The following GLIS1 variants were observed in gnomAD, a reference collection of about 807,000 sequenced individuals.
GLIS1 encodes the protein zinc finger protein GLIS1.
A neutral mutation model predicts 63.8 loss-of-function variants in GLIS1; 24 were observed. The ratio of observed to expected loss-of-function variants is 0.38; its 90% CI spans 0.27 to 0.53. GLIS1 has a LOEUF of 0.53. Ranked by LOEUF, GLIS1 falls within the 20% of genes least tolerant of loss-of-function variation. GLIS1 has a pLI of 0.85. For missense variants in GLIS1, 1,036 were observed against 1,074.1 expected, an observed-to-expected ratio of 0.96 and a Z score of 0.50; for synonymous variants, 450 against 482.5, an observed-to-expected ratio of 0.93 and a Z score of 0.88.
intron 2 of GLIS1, among the ~76,000 whole-genome samples, chr1:53,716,568 C>T (rs1646700601): frequency 6.6e-6 from 1 of 152,078 alleles, no homozygotes; most frequent in South Asian, 2.1e-4. Context: ...CTAAAAATCT[C>T]CTCAGAGAGG....
At chr1:53,540,951 T>C (rs1194722088) in intron 4 of GLIS1, among the ~76,000 whole-genome samples, 2 of 152,212 alleles carry the variant, frequency 1.3e-5, no homozygotes, top group African/African-American at 4.8e-5. Context: ...AACCTGCCAG[T>C]GTGCACCTGA....
In GLIS1 at chr1:53,524,883, G is replaced by A. The variant is rs1480029986; in HGVS notation, c.1487C>T (p.Pro496Leu). The A allele has an allele frequency of 1.9e-6, 3 of 1,612,256 alleles. No homozygotes were observed. Among genetic ancestry groups the A allele is most frequent in the African/African-American group, 1.3e-5 (1 of 75,036 alleles). Residue 496 changes from proline (P) to leucine (L), a missense_variant, in exon 6 of 11, where the codon CCG becomes CTG. By Grantham distance (98) the Pro-to-Leu change is moderately conservative. Coordinates refer to ENST00000628545, the MANE Select transcript of GLIS1 (RefSeq NM_001367484.1). ...GCAGCCAGGGATCTGACAGGCGTAC[G>A]GCTTCTGTAACATGGGGGGCACGGG... is the stretch of plus-strand genomic sequence containing the variant. ...KHQRTHLDTK[P>L]YACQIPGCSK...
chr1:53,691,232 G>A (rs1052795483), intron 2 of GLIS1, among the ~76,000 whole-genome samples: 10 of 152,070 alleles, frequency 6.6e-5, no homozygotes, highest in East Asian at 1.9e-4. Flanking sequence ...GCGCACTCCC[G>A]CTGTGTCCCT....
chr1:53,600,865 T>C (rs12026293), intron 2 of GLIS1, among the ~76,000 whole-genome samples: 122,089 of 152,258 alleles, frequency 0.8, 53,847 homozygotes, highest in Non-Finnish European at 0.99. Flanking sequence ...ACCTCGCTAT[T>C]GCCTGATTCT....
At position 53,520,724 on chromosome 1, in the gene GLIS1, A is replaced by G. The variant is rs1351811850; in HGVS notation, c.1636T>C (p.Cys546Arg). 46 of 1,606,768 alleles carry G rather than the reference A, an allele frequency of 2.9e-5. No homozygotes were observed. The highest frequency in any genetic ancestry group is 3.7e-5 in the Non-Finnish European group (44 of 1,177,338). ...PDTEADVLTE[C>R]LVLQQLHTST... ...GTGTGGAGCTGCTGCAGGACCAGACACTCGGTCAGGACGTCGGCCTCGGTG... is the reference window on the plus strand; with the variant it reads ...GTGTGGAGCTGCTGCAGGACCAGACGCTCGGTCAGGACGTCGGCCTCGGTG... Residue 546 changes from cysteine (C) to arginine (R), a missense_variant, in exon 7 of 11, where the codon TGT becomes CGT. This residue lies in a region of GLIS1 where 400 missense variants were observed against 400.9 expected (regional missense o/e 1.00). Transcript: ENST00000628545.
chr1:53,532,943 G>A (rs1000669814), intron 4 of GLIS1, among the ~76,000 whole-genome samples: 3 of 152,220 alleles, frequency 2.0e-5, no homozygotes, highest in African/African-American at 7.2e-5. Flanking sequence ...TTCAAACACA[G>A]GATCTGCAGC....
At chr1:53,654,943 G>A (rs535617296) in intron 2 of GLIS1, among the ~76,000 whole-genome samples, 1 of 152,304 alleles carries the variant, frequency 6.6e-6, no homozygotes, top group South Asian at 2.1e-4. Flanking sequence ...GTTTGTTTTG[G>A]TTTGTAAAAT....
At chr1:53,633,740 A>G (rs1645695020) in intron 2 of GLIS1, among the ~76,000 whole-genome samples, 1 of 151,888 alleles carries the variant, frequency 6.6e-6, no homozygotes, top group East Asian at 1.9e-4. Context: ...GCATTGCAGG[A>G]TGGTTAGTAA....
chr1:53,671,101 C>G (rs1557513839), intron 2 of GLIS1, among the ~76,000 whole-genome samples: 1 of 152,112 alleles, frequency 6.6e-6, no homozygotes, highest in Non-Finnish European at 1.5e-5. Context: ...GAGCAGTGAG[C>G]AGAAGAAACT....
chr1:53,657,621 G>A (rs915920439), intron 2 of GLIS1, among the ~76,000 whole-genome samples: 5 of 152,146 alleles, frequency 3.3e-5, no homozygotes, highest in Non-Finnish European at 5.9e-5. Flanking sequence ...TATGTGGAGG[G>A]GGAGAGGACC....
chr1:53,624,541 C>CT (rs370540667), intron 2 of GLIS1, among the ~76,000 whole-genome samples: 3,279 of 145,094 alleles, frequency 0.023, 60 homozygotes, highest in African/African-American at 0.035. Context: ...TTTTAAATCT[C>CT]TTTTTTTTTT....
Position 53,511,851 on chromosome 1 carries a change from C to T in GLIS1, c.1884-1824G>A, listed in dbSNP as rs1241017373. 6.6e-6 allele frequency among the ~76,000 whole-genome samples: 1 copy of T among 152,174 alleles called. No homozygotes were observed. Among genetic ancestry groups the T allele is most frequent in the Non-Finnish European group, 1.5e-5 (1 of 68,038 alleles). On this transcript the variant is annotated intron_variant, in intron 8 of 10. Transcript: ENST00000628545. The surrounding 1 kb of genome is among the most constrained non-coding windows in gnomAD (Gnocchi z 4.2). ...GGTGGCTGCCTTATCCCCATCCCATCTGGGCACCCACAACCCAGCCCTCCC... is the reference window on the plus strand; with the variant it reads ...GGTGGCTGCCTTATCCCCATCCCATTTGGGCACCCACAACCCAGCCCTCCC...
intron 2 of GLIS1, among the ~76,000 whole-genome samples, chr1:53,708,855 C>A (rs1011501173): frequency 6.6e-6 from 1 of 152,170 alleles, no homozygotes; most frequent in Non-Finnish European, 1.5e-5. Flanking sequence ...ACCTGTCTCA[C>A]CTCCAACAAG....
At chr1:53,733,190 G>A (rs1646879971) in intron 2 of GLIS1, among the ~76,000 whole-genome samples, 1 of 152,264 alleles carries the variant, frequency 6.6e-6, no homozygotes, top group African/African-American at 2.4e-5. Context: ...TGCCTGTAAT[G>A]GGATTTTAAC....
intron 2 of GLIS1, among the ~76,000 whole-genome samples, chr1:53,694,712 G>T (rs774957942): frequency 6.6e-6 from 1 of 152,188 alleles, no homozygotes; most frequent in Non-Finnish European, 1.5e-5. Flanking sequence ...ACTGGGCTAC[G>T]TGGGGCACAC....
chr1:53,525,039 A>T, intron 5 of GLIS1, 152 bp from the exon 6 acceptor site: 1 of 629,066 alleles, frequency 1.6e-6, no homozygotes, highest in Non-Finnish European at 2.8e-6. Flanking sequence ...GCTGTGGGGA[A>T]GGTGCCTGGC....
At position 53,574,823 on chromosome 1, in the gene GLIS1, G is replaced by C. The variant is rs1454506602; in HGVS notation, c.1320+19285C>G. On this transcript the variant is annotated intron_variant, in intron 4 of 10. Coordinates refer to ENST00000628545, the MANE Select transcript of GLIS1 (RefSeq NM_001367484.1). This position sits in a 1 kb window ranked among gnomAD's most constrained non-coding sequence, Gnocchi z 4.2. The stretch of plus-strand genomic sequence containing the variant: ...GGTAAAAAGCTGGGGCAGGAGGGCT[G>C]AGTTTAGTCAAGGTTTGGCCACAGG... Among the ~76,000 whole-genome samples the C allele has an allele frequency of 6.6e-6, 1 of 152,218 alleles. No individual in the cohort carries two copies. Among genetic ancestry groups the C allele is most frequent in the Non-Finnish European group, 1.5e-5 (1 of 68,044 alleles).
At chr1:53,611,090 T>A (rs1645420374) in intron 2 of GLIS1, among the ~76,000 whole-genome samples, 1 of 152,164 alleles carries the variant, frequency 6.6e-6, no homozygotes, top group African/African-American at 2.4e-5. Context: ...TATGAACAGT[T>A]ATTTTATTTT....
chr1:53,665,798 G>C (rs1164747121), intron 2 of GLIS1, among the ~76,000 whole-genome samples: 1 of 152,154 alleles, frequency 6.6e-6, no homozygotes, highest in Non-Finnish European at 1.5e-5. Context: ...TTTAAGGAGG[G>C]AGTGAGTGTC....
Sources: gnomAD v4.1 joint callset for allele counts (sites outside exome capture counted in the v4.1 genomes callset) on GRCh38, gnomAD v4.1.1 for gene constraint, gnomAD v4.1.1 regional missense constraint, Gnocchi (gnomAD v3.1) non-coding constraint, MANE v1.5 for transcripts, NCBI Gene and HGNC (gene_info 2026-07-23, HGNC 2026-07-21) for gene names.